The following GADL1 variants were observed in gnomAD, a reference collection of about 807,000 sequenced individuals.
GADL1 encodes GAD like acidic amino acid decarboxylase 1.
A neutral mutation model predicts 69.5 loss-of-function variants in GADL1; 71 were observed. The observed-to-expected ratio is 1.02, with a 90% CI of 0.84 to 1.25. The LOEUF (loss-of-function observed/expected upper bound fraction) is 1.25. Ranked by LOEUF, GADL1 falls within the 50% of genes most tolerant of loss-of-function variation. GADL1 has a pLI of 0.00. For synonymous variants in GADL1, 254 were observed against 214.4 expected (o/e 1.18, Z -1.62); for missense variants, 737 against 631.8 (o/e 1.17, Z -1.79).
At chr3:30,757,753 G>A (rs1420701857) in intron 14 of GADL1, among the ~76,000 whole-genome samples, 1 of 150,856 alleles carries the variant, frequency 6.6e-6, no homozygotes, top group Non-Finnish European at 1.5e-5. Context: ...TCCTACAAAT[G>A]TAGTCCCCTC....
intron 1 of GADL1, among the ~76,000 whole-genome samples, chr3:30,884,046 C>T (rs547145855): frequency 4.6e-5 from 7 of 151,910 alleles, no homozygotes; most frequent in African/African-American, 7.2e-5. Flanking sequence ...AATGCTTCCA[C>T]GTCTTAGTCT....
At chr3:30,855,278 C>T (rs1698211287) in intron 3 of GADL1, among the ~76,000 whole-genome samples, 1 of 152,048 alleles carries the variant, frequency 6.6e-6, no homozygotes, top group Admixed American at 6.6e-5. Flanking sequence ...CTTTGATTTA[C>T]TTGCTCCTCT....
At position 30,752,819 on chromosome 3, in the gene GADL1, A is replaced by G. The variant is rs549756706; in HGVS notation, c.1393-24404T>C. On this transcript the variant is annotated intron_variant, in intron 14 of 14. Coordinates refer to ENST00000282538, the MANE Select transcript of GADL1 (RefSeq NM_207359.3). ...AAAACAATCTAGGCTGCTGGAAGAC[A>G]AGAGTTTTCTATTTAAGTTAACAAG... Among the ~76,000 whole-genome samples the G allele has an allele frequency of 3.9e-5, 4 of 103,836 alleles. No individual in the cohort carries two copies. In the East Asian group the frequency reaches 8.3e-4, roughly 21 times the overall value. 68.1% of individuals were successfully genotyped at this position (103,836 alleles called of 152,430 possible).
Position 30,726,500 on chromosome 3 carries a change from C to A in GADL1, c.*1742G>T, listed in dbSNP as rs1196522886. The A allele has an allele frequency of 2.0e-5, 3 of 151,928 alleles. No homozygotes were observed. The highest frequency in any genetic ancestry group is 2.9e-5 in the Non-Finnish European group (2 of 67,958). 9.4% of individuals were successfully genotyped at this position (151,928 alleles called of 1,614,324 possible). A position where few individuals can be genotyped will look rare whatever the true frequency, so the allele number is the denominator to read the frequency against. On this transcript the variant is annotated 3_prime_UTR_variant, in exon 15 of 15. Transcript: ENST00000282538. ...TGCAAAATAAACACACACACACACA[C>A]ACACACACCAATAGGTTTCACCTGA...
chr3:30,753,008 A>G (rs1695869282), intron 14 of GADL1, among the ~76,000 whole-genome samples: 1 of 151,248 alleles, frequency 6.6e-6, no homozygotes, highest in East Asian at 1.9e-4. Flanking sequence ...AATTTTAAAA[A>G]TAGATTCCTA....
At chr3:30,872,610 A>G (rs766002653) in intron 1 of GADL1, among the ~76,000 whole-genome samples, 4 of 151,912 alleles carry the variant, frequency 2.6e-5, no homozygotes, top group Non-Finnish European at 4.4e-5. Context: ...CCCCTAGGAC[A>G]TGGTCTTGGT....
chr3:30,869,740 A>C (rs1478843993), intron 1 of GADL1, among the ~76,000 whole-genome samples: 2 of 151,806 alleles, frequency 1.3e-5, no homozygotes, highest in African/African-American at 4.8e-5. Flanking sequence ...TACTTCTCTT[A>C]CTCATACTTT....
intron 1 of GADL1, among the ~76,000 whole-genome samples, chr3:30,869,827 CA>C (rs1268638335): frequency 6.6e-6 from 1 of 151,550 alleles, no homozygotes; most frequent in Non-Finnish European, 1.5e-5. Flanking sequence ...ACTTCAAGAC[CA>C]AAAAGACACA....
chr3:30,786,279 TATAAC>T (rs1696787317), intron 13 of GADL1, 71 bp downstream of exon 13: 4 of 869,450 alleles, frequency 4.6e-6, no homozygotes, highest in Non-Finnish European at 7.8e-6. Context: ...CAATGAAACA[TATAAC>T]AGATAAGAAA....
At chr3:30,821,431 G>A (rs1303312394) in intron 11 of GADL1, among the ~76,000 whole-genome samples, 3 of 151,946 alleles carry the variant, frequency 2.0e-5, no homozygotes, top group East Asian at 1.9e-4. Flanking sequence ...ACACGGCAGA[G>A]GAGGAAGCAG....
chr3:30,894,565 G>T lies in GADL1; in HGVS notation c.37+13C>A, dbSNP rs756182495. 5.8e-6 allele frequency: 9 copies of T among 1,547,074 alleles called. No homozygotes were observed. In the Admixed American group the frequency reaches 5.9e-5, roughly 10 times the overall value. ...GGTTAAGGACAAAAACCGCAGCCGC[G>T]CTGAGTCGTTACCGTCCACAGGACA... On this transcript the variant is annotated intron_variant, in intron 1 of 14. Coordinates refer to ENST00000282538, the MANE Select transcript of GADL1 (RefSeq NM_207359.3).
intron 14 of GADL1, among the ~76,000 whole-genome samples, chr3:30,755,500 TCTCCC>T (rs1219536739): frequency 7.2e-5 from 11 of 152,212 alleles, no homozygotes; most frequent in Non-Finnish European, 1.3e-4. Context: ...AGTGAAGACT[TCTCCC>T]CCTAAGGAAT....
At chr3:30,779,600 C>T (rs532922441) in intron 13 of GADL1, among the ~76,000 whole-genome samples, 10 of 152,278 alleles carry the variant, frequency 6.6e-5, no homozygotes, top group African/African-American at 1.9e-4. Flanking sequence ...TTTGCAGCAA[C>T]CTAATATAAT....
chr3:30,843,168 G>A (rs961525295), intron 8 of GADL1, among the ~76,000 whole-genome samples: 2 of 151,992 alleles, frequency 1.3e-5, no homozygotes, highest in African/African-American at 4.8e-5. Context: ...AGCTCCATCA[G>A]CAGGCAGCGG....
intron 11 of GADL1, among the ~76,000 whole-genome samples, chr3:30,810,599 G>A (rs957290267): frequency 3.9e-5 from 6 of 152,156 alleles, no homozygotes; most frequent in East Asian, 1.9e-4. Flanking sequence ...ATTGCTTTAC[G>A]TAATAAGTTA....
chr3:30,837,560 T>A (rs1697894193), intron 9 of GADL1, among the ~76,000 whole-genome samples: 1 of 152,124 alleles, frequency 6.6e-6, no homozygotes, highest in South Asian at 2.1e-4. Context: ...GCCCCATAAA[T>A]CTCTTAATGT....
chr3:30,875,936 C>T (rs943181554), intron 1 of GADL1, among the ~76,000 whole-genome samples: 8 of 151,946 alleles, frequency 5.3e-5, no homozygotes, highest in Non-Finnish European at 1.2e-4. Context: ...CAATTGGACA[C>T]GCCTGGATTA....
chr3:30,887,843 C>T (rs992333146), intron 1 of GADL1, among the ~76,000 whole-genome samples: 1 of 152,082 alleles, frequency 6.6e-6, no homozygotes, highest in South Asian at 2.1e-4. Context: ...TTATAACTAG[C>T]AATGCATATA....
intron 1 of GADL1, among the ~76,000 whole-genome samples, chr3:30,870,996 C>T (rs1376125301): frequency 6.7e-6 from 1 of 149,936 alleles, no homozygotes; most frequent in South Asian, 2.1e-4. Context: ...AAGATTCATG[C>T]CATGGACATT....
Sources: allele counts gnomAD v4.1 joint callset (sites outside exome capture counted in the v4.1 genomes callset), GRCh38; gene constraint gnomAD v4.1.1; transcripts MANE v1.5; gene names NCBI Gene and HGNC (gene_info 2026-07-23, HGNC 2026-07-21).